Variants in PHF20 observed in about 807,000 individuals in gnomAD.
PHF20 encodes the protein glioma-expressed antigen 2.
A neutral mutation model predicts 113.5 loss-of-function variants in PHF20; 23 were observed. The observed-to-expected ratio is 0.20, with a 90% CI of 0.15 to 0.29. PHF20 has a LOEUF of 0.29. Among genes scored for constraint, PHF20 ranks in the 10% least tolerant of loss-of-function variants. The pLI, the probability that PHF20 is intolerant of heterozygous loss-of-function variation, is 1.00. For synonymous variants in PHF20, 434 were observed against 457.3 expected (o/e 0.95, Z 0.65); for missense variants, 943 against 1,219.6 (o/e 0.77, Z 3.38).
intron 10 of PHF20, among the ~76,000 whole-genome samples, chr20:35,904,767 C>CTTCTTCCTTCCTTCCT (rs1555799924): frequency 8.0e-6 from 1 of 125,614 alleles, no homozygotes. Flanking sequence ...GATTTCTTTT[C>CTTCTTCCTTCCTTCCT]TCCTTCCTTC....
At chr20:35,914,637 A>G (rs1043689102) in intron 12 of PHF20, among the ~76,000 whole-genome samples, 1 of 152,214 alleles carries the variant, frequency 6.6e-6, no homozygotes. Flanking sequence ...GCTGGAATAT[A>G]TAAGAACTCA....
intron 15 of PHF20, among the ~76,000 whole-genome samples, chr20:35,937,926 C>T (rs1296579100): frequency 6.6e-6 from 1 of 151,972 alleles, no homozygotes; most frequent in African/African-American, 2.4e-5. Context: ...GGCTGGAGTG[C>T]AGTGGCGCAA....
intron 17 of PHF20, among the ~76,000 whole-genome samples, chr20:35,943,177 CT>C (rs1234602916): frequency 6.6e-6 from 1 of 151,902 alleles, no homozygotes; most frequent in Non-Finnish European, 1.5e-5. Context: ...TGTAACATTC[CT>C]TTTTTAAAAA....
chr20:35,833,468 GT>G (rs2042387815), intron 2 of PHF20, among the ~76,000 whole-genome samples: 1 of 152,082 alleles, frequency 6.6e-6, no homozygotes, highest in Admixed American at 6.6e-5. Flanking sequence ...GGGTATGTTT[GT>G]CCTCTTGACA....
intron 9 of PHF20, chr20:35,887,694 T>C (rs2054760892): frequency 6.6e-6 from 1 of 151,660 alleles, no homozygotes; most frequent in Non-Finnish European, 1.5e-5. Flanking sequence ...GCCAATGAGG[T>C]TTATCTGAGG....
At chr20:35,828,985 G>A (rs150797586) in intron 2 of PHF20, among the ~76,000 whole-genome samples, 1 of 152,156 alleles carries the variant, frequency 6.6e-6, no homozygotes, top group African/African-American at 2.4e-5. Context: ...GCGGCGTAAT[G>A]GGGGGTTGAG....
chr20:35,785,747 G>A (rs2041395522), intron 1 of PHF20, among the ~76,000 whole-genome samples: 4 of 151,866 alleles, frequency 2.6e-5, no homozygotes, highest in Non-Finnish European at 4.4e-5. Context: ...TTTGTAATAT[G>A]GTGATATTTC....
Position 35,899,539 on chromosome 20 carries a change from G to C in PHF20, c.1452G>C (p.Glu484Asp), listed in dbSNP as rs751437496. 4.3e-6 allele frequency: 7 copies of C among 1,614,042 alleles called. No individual in the cohort carries two copies. The Middle Eastern group carries it at 4.9e-4, about 114-fold the overall frequency. ...TCCATGGAATGGAGAAGTCACTGGA[G>C]CCAGAAGAGAGCCCGGGAAAGAGGC... ...KYFHGMEKSLEPEESPGKRHV... is the reference protein window; with the variant it reads ...KYFHGMEKSLDPEESPGKRHV... Residue 484 changes from glutamate (E) to aspartate (D), a missense_variant, in exon 10 of 18, where the codon GAG (glutamate) becomes GAC (aspartate). Around this residue, in one of 3 missense-constraint regions of PHF20, gnomAD observed 592 missense variants for 787.2 expected, o/e 0.75. Coordinates refer to ENST00000374012, the MANE Select transcript of PHF20 (RefSeq NM_016436.5).
chr20:35,779,079 A>G (rs2041233113), intron 1 of PHF20, among the ~76,000 whole-genome samples: 1 of 151,002 alleles, frequency 6.6e-6, no homozygotes, highest in Admixed American at 6.6e-5. Context: ...TTCGTTGCCC[A>G]GGCTAGAGTA....
intron 11 of PHF20, among the ~76,000 whole-genome samples, chr20:35,913,721 CTG>C (rs998655440): frequency 1.3e-5 from 2 of 152,236 alleles, no homozygotes; most frequent in Non-Finnish European, 2.9e-5. Flanking sequence ...TTCTTAAAAA[CTG>C]TGTCTAGCCC....
rs757545480 is a variant in PHF20 at position 35,899,563 on chromosome 20, G to A, written c.1476G>A (p.Arg492=). ...AGCCAGAAGAGAGCCCGGGAAAGAG[G>A]CATGTCCAAACCAGGGGCCCTTCAG... is the stretch of plus-strand genomic sequence containing the variant. ...SLEPEESPGK[R]HVQTRGPSAS... is the part of the protein sequence containing the mutation. Residue 492 remains arginine (R), a synonymous_variant, in exon 10 of 18, where the codon AGG becomes AGA. Transcript: ENST00000374012. 29 of 1,613,952 alleles carry A rather than the reference G, an allele frequency of 1.8e-5. No homozygotes were observed. In the Admixed American group the frequency reaches 4.7e-4, roughly 26 times the overall value.
intron 1 of PHF20, among the ~76,000 whole-genome samples, chr20:35,800,525 C>T (rs189241173): frequency 6.6e-6 from 1 of 152,314 alleles, no homozygotes; most frequent in Non-Finnish European, 1.5e-5. Context: ...AATACCAGCA[C>T]TTTGGGAGGT....
At chr20:35,855,793 C>T (rs1220924402) in intron 4 of PHF20, among the ~76,000 whole-genome samples, 9 of 152,072 alleles carry the variant, frequency 5.9e-5, no homozygotes, top group Non-Finnish European at 8.8e-5. Context: ...CTTGCCTCAG[C>T]CTCCTGAGTA....
At chr20:35,877,179 A>G (rs989219050) in intron 9 of PHF20, among the ~76,000 whole-genome samples, 3 of 147,096 alleles carry the variant, frequency 2.0e-5, no homozygotes, top group Non-Finnish European at 3.0e-5. Context: ...AATCCTGGAT[A>G]CTTGGGAGGC....
At chr20:35,930,080 G>A (rs1434789741) in intron 14 of PHF20, among the ~76,000 whole-genome samples, 2 of 152,164 alleles carry the variant, frequency 1.3e-5, no homozygotes, top group Admixed American at 1.3e-4. Context: ...CCTTCCTAAG[G>A]AGCCCTGTAA....
chr20:35,868,508 A>G (rs1200500195), intron 6 of PHF20, among the ~76,000 whole-genome samples: 3 of 152,046 alleles, frequency 2.0e-5, no homozygotes, highest in Non-Finnish European at 4.4e-5. Flanking sequence ...GGGAAGGCTG[A>G]GGCAGGACAA....
At chr20:35,782,353 G>A (rs992634648) in intron 1 of PHF20, 1 of 149,818 alleles carries the variant, frequency 6.7e-6, no homozygotes, top group African/African-American at 2.5e-5. Context: ...CATCATCTCA[G>A]AGCTGACTGC....
chr20:35,899,251 A>G (rs2055048352), intron 9 of PHF20, 119 bp from the exon 10 acceptor site: 2 of 756,950 alleles, frequency 2.6e-6, no homozygotes, highest in African/African-American at 1.8e-5. Context: ...TGGCAGTCTG[A>G]TGTCTCAGGC....
chr20:35,910,190 A>G (rs1433633906), intron 10 of PHF20, among the ~76,000 whole-genome samples: 1 of 152,200 alleles, frequency 6.6e-6, no homozygotes, highest in Non-Finnish European at 1.5e-5. Context: ...GTATGGTTCC[A>G]TATTTATGAG....
Sources: allele counts gnomAD v4.1 joint callset (sites outside exome capture counted in the v4.1 genomes callset), GRCh38; gene constraint gnomAD v4.1.1; regional missense constraint gnomAD v4.1.1; transcripts MANE v1.5; gene names NCBI Gene and HGNC (gene_info 2026-07-23, HGNC 2026-07-21).